ROR2: variants seen among roughly 807,000 people sequenced by gnomAD.
The protein encoded by ROR2 is ROR family WNT receptor 2.
In ROR2, 33 loss-of-function variants were observed where a neutral mutation model predicts 74.9. The observed-to-expected ratio is 0.44, with a 90% confidence interval of 0.33 to 0.59. The LOEUF (loss-of-function observed/expected upper bound fraction) is 0.59, where lower values mean the gene tolerates loss of function less well. Ranked by LOEUF, ROR2 falls within the 20% of genes least tolerant of loss-of-function variation. The probability of loss-of-function intolerance (pLI) is 0.02; values close to 1 mark genes in which losing one functional copy is unlikely to be tolerated. For synonymous variants in ROR2, 586 were observed against 558.7 expected, an observed-to-expected ratio of 1.05 and a Z score of -0.69; for missense variants, 1,216 against 1,313.8, an observed-to-expected ratio of 0.93 and a Z score of 1.15.
At chr9:91,820,257 C>CT (rs1828096951) in intron 1 of ROR2, among the ~76,000 whole-genome samples, 1 of 152,280 alleles carries the variant, frequency 6.6e-6, no homozygotes, top group South Asian at 2.1e-4. Context: ...CGTGTTTCTC[C>CT]TGAGGCTCCA....
intron 1 of ROR2, among the ~76,000 whole-genome samples, chr9:91,889,745 T>C (rs907860685): frequency 6.6e-6 from 1 of 152,212 alleles, no homozygotes; most frequent in Non-Finnish European, 1.5e-5. Context: ...CAGGAATTTC[T>C]TGAAGTCCAA....
chr9:91,887,672 AG>A (rs1248306447), intron 1 of ROR2, among the ~76,000 whole-genome samples: 35 of 152,228 alleles, frequency 2.3e-4, no homozygotes, highest in Non-Finnish European at 2.9e-5. Flanking sequence ...ACTGAGTAGG[AG>A]AAGCATGATT....
At chr9:91,915,852 C>T (rs1564036044) in intron 1 of ROR2, among the ~76,000 whole-genome samples, 1 of 152,192 alleles carries the variant, frequency 6.6e-6, no homozygotes, top group East Asian at 1.9e-4. Context: ...ATACAGAATG[C>T]TGATTAGTGC....
chr9:91,817,017 CAGA>C (rs1827961566), intron 1 of ROR2, among the ~76,000 whole-genome samples: 1 of 152,208 alleles, frequency 6.6e-6, no homozygotes, highest in Admixed American at 6.5e-5. Flanking sequence ...TTGAACATCT[CAGA>C]AGGAGAGATA....
rs117711359 is a variant in ROR2 at position 91,773,193 on chromosome 9, T to A, written c.175+2548A>T. Among the ~76,000 whole-genome samples, 443 of 152,038 alleles carry A rather than the reference T, an allele frequency of 2.9e-3. 1 individual carries two copies. The highest frequency in any genetic ancestry group is 6.8e-3 in the Middle Eastern group (2 of 294). On this transcript the variant is annotated intron_variant, in intron 2 of 8. Transcript: ENST00000375708. The stretch of plus-strand genomic sequence containing the variant: ...CACAAGGAAGCCCCCGGGTGAGAGG[T>A]TTGCAGCGCATCTGAAACAAAGGAC...
At chr9:91,902,558 C>T (rs1165950854) in intron 1 of ROR2, among the ~76,000 whole-genome samples, 1 of 152,116 alleles carries the variant, frequency 6.6e-6, no homozygotes, top group Admixed American at 6.5e-5. Context: ...CCGTTAACAC[C>T]AAGGGCCCTC....
At chr9:91,938,908 A>G (rs1386155111) in intron 1 of ROR2, among the ~76,000 whole-genome samples, 1 of 152,228 alleles carries the variant, frequency 6.6e-6, no homozygotes, top group African/African-American at 2.4e-5. Context: ...TTGCCAAGGA[A>G]GAGCATGAGT....
intron 1 of ROR2, among the ~76,000 whole-genome samples, chr9:91,874,591 T>C (rs927638582): frequency 1.3e-5 from 2 of 152,192 alleles, no homozygotes; most frequent in African/African-American, 2.4e-5. Context: ...TTTCTTCCCG[T>C]TGTCATATGA....
intron 1 of ROR2, among the ~76,000 whole-genome samples, chr9:91,875,877 C>T (rs1432716782): frequency 6.6e-6 from 1 of 151,980 alleles, no homozygotes; most frequent in Non-Finnish European, 1.5e-5. Context: ...AGACTCAGAA[C>T]CTGGAAACAC....
rs1264578033 is a variant in ROR2 at position 91,733,575 on chromosome 9, C to CCCG, written c.623-142_623-140dup. ...CCCGCCCCGCCCCAGACTCCCCAAC[C>CCCG]CCGAGCCCCGCACACCACCCTGGAG... On this transcript the variant is annotated intron_variant, in intron 5 of 8. Transcript: ENST00000375708. The surrounding 1 kb of genome is among the most constrained non-coding windows in gnomAD (Gnocchi z 5.7). The CCCG allele has an allele frequency of 1.1e-6, 1 of 920,542 alleles. No homozygotes were observed. The highest frequency in any genetic ancestry group is 1.6e-6 in the Non-Finnish European group (1 of 609,452). The allele number at this position is 920,542 out of a possible 1,614,324, so 57.0% of individuals were successfully genotyped here.
chr9:91,744,871 G>T (rs1490914540), intron 4 of ROR2, among the ~76,000 whole-genome samples: 1 of 152,140 alleles, frequency 6.6e-6, no homozygotes, highest in Non-Finnish European at 1.5e-5. Flanking sequence ...TCCCTCCCAG[G>T]TAAGCCAAAC....
intron 1 of ROR2, among the ~76,000 whole-genome samples, chr9:91,898,034 A>G (rs1194396290): frequency 6.6e-6 from 1 of 152,058 alleles, no homozygotes; most frequent in African/African-American, 2.4e-5. Flanking sequence ...GGCGGGGTCC[A>G]CACACCCCGA....
chr9:91,790,192 T>C (rs1304321546), intron 1 of ROR2, among the ~76,000 whole-genome samples: 3 of 152,118 alleles, frequency 2.0e-5, no homozygotes, highest in African/African-American at 7.2e-5. Context: ...AACCCACTGC[T>C]CTACCAGTCA....
intron 1 of ROR2, among the ~76,000 whole-genome samples, chr9:91,884,479 A>G (rs1191259449): frequency 6.6e-6 from 1 of 151,564 alleles, no homozygotes; most frequent in Non-Finnish European, 1.5e-5. Flanking sequence ...TACCTTTAAA[A>G]AAAAAAAAAA....
At chr9:91,914,967 CCT>C (rs138871026) in intron 1 of ROR2, among the ~76,000 whole-genome samples, 36,253 of 151,952 alleles carry the variant, frequency 0.24, 4,890 homozygotes, top group Admixed American at 0.42. Flanking sequence ...GTCCATCACC[CCT>C]GTCAGAATAT....
At chr9:91,729,918 T>C (rs1442579849) in intron 7 of ROR2, among the ~76,000 whole-genome samples, 1 of 152,212 alleles carries the variant, frequency 6.6e-6, no homozygotes, top group East Asian at 1.9e-4. Flanking sequence ...AAGGGAAATA[T>C]TTTTACGAAT....
chr9:91,896,841 T>C (rs2119416076), intron 1 of ROR2, among the ~76,000 whole-genome samples: 1 of 152,344 alleles, frequency 6.6e-6, no homozygotes, highest in East Asian at 1.9e-4. Flanking sequence ...AGGCCTGTTC[T>C]TTTCCAACAC....
intron 4 of ROR2, among the ~76,000 whole-genome samples, chr9:91,751,647 AG>A (rs1286104030): frequency 6.6e-6 from 1 of 152,220 alleles, no homozygotes; most frequent in African/African-American, 2.4e-5. Flanking sequence ...ACAAATCTTC[AG>A]GTATCTGGTA....
At chr9:91,758,715 A>G (rs377747211) in intron 2 of ROR2, among the ~76,000 whole-genome samples, 1 of 152,298 alleles carries the variant, frequency 6.6e-6, no homozygotes, top group African/African-American at 2.4e-5. Flanking sequence ...CAGGAGCTCT[A>G]GGGGGCAACG....
Sources: gnomAD v4.1 joint callset for allele counts (sites outside exome capture counted in the v4.1 genomes callset) on GRCh38, gnomAD v4.1.1 for gene constraint, Gnocchi (gnomAD v3.1) non-coding constraint, MANE v1.5 for transcripts, NCBI Gene and HGNC (gene_info 2026-07-23, HGNC 2026-07-21) for gene names.